BBS9: variants seen among roughly 807,000 people sequenced by gnomAD.
BBS9 encodes the protein Bardet-Biedl syndrome 9.
In BBS9, 89 loss-of-function variants were observed where a neutral mutation model predicts 117.7. That is an observed-to-expected ratio of 0.76 (90% confidence interval 0.64 to 0.90). The LOEUF is 0.90. Ranked by LOEUF, BBS9 falls within the 40% of genes least tolerant of loss-of-function variation. The probability of loss-of-function intolerance (pLI) is 0.00; values close to 1 mark genes in which losing one functional copy is unlikely to be tolerated. For missense variants in BBS9, 982 were observed against 1,042.2 expected, an observed-to-expected ratio of 0.94 and a Z score of 0.80; for synonymous variants, 379 against 370.9, an observed-to-expected ratio of 1.02 and a Z score of -0.25.
At chr7:33,155,725 T>C in intron 4 of BBS9, 23 bp downstream of exon 4, 1 of 1,305,450 alleles carries the variant, frequency 7.7e-7, no homozygotes, top group Non-Finnish European at 1.1e-6. Flanking sequence ...TTTACCAATG[T>C]AGAATTTATA....
intron 19 of BBS9, among the ~76,000 whole-genome samples, chr7:33,491,585 C>T (rs1220091048): frequency 6.6e-6 from 1 of 151,926 alleles, no homozygotes; most frequent in East Asian, 1.9e-4. Flanking sequence ...TGTGTTAGGC[C>T]CTATGCTCTA....
exon 22 of BBS9, among the ~76,000 whole-genome samples, chr7:33,635,450 GGGCCCTGGAACCAGCCCCCCAA>G (rs1866098351): frequency 6.6e-6 from 1 of 152,206 alleles, no homozygotes; most frequent in Admixed American, 6.5e-5. Flanking sequence ...TGCCAGGCCT[GGGCCCTGGAACCAGCCCCCCAA>G]GGCCCTGGAA....
chr7:33,206,080 T>C (rs899515506), intron 5 of BBS9, among the ~76,000 whole-genome samples: 3 of 152,150 alleles, frequency 2.0e-5, no homozygotes, highest in Non-Finnish European at 4.4e-5. Context: ...TGTTGTTTCA[T>C]TTTTTTCCCC....
At chr7:33,354,622 A>G (rs1819299462) in intron 15 of BBS9, among the ~76,000 whole-genome samples, 1 of 152,160 alleles carries the variant, frequency 6.6e-6, no homozygotes, top group South Asian at 2.1e-4. Flanking sequence ...TATAATATAT[A>G]GGTATGGTTA....
intron 19 of BBS9, among the ~76,000 whole-genome samples, chr7:33,448,381 G>A (rs1837301505): frequency 6.6e-6 from 1 of 152,134 alleles, no homozygotes; most frequent in Non-Finnish European, 1.5e-5. Context: ...TGCCTTGGCA[G>A]TTTTCCACTT....
intron 9 of BBS9, among the ~76,000 whole-genome samples, chr7:33,307,743 C>A (rs1808324235): frequency 6.7e-6 from 1 of 148,648 alleles, no homozygotes; most frequent in South Asian, 2.1e-4. Flanking sequence ...AGAAAAAAGT[C>A]TTTGCGTGTT....
At chr7:33,234,068 C>T (rs1792999661) in intron 5 of BBS9, among the ~76,000 whole-genome samples, 2 of 152,166 alleles carry the variant, frequency 1.3e-5, no homozygotes, top group South Asian at 4.1e-4. Flanking sequence ...TCCTGTTTGT[C>T]ACTTAGTAGC....
At chr7:33,438,004 C>T (rs1323416315) in intron 19 of BBS9, among the ~76,000 whole-genome samples, 1 of 152,192 alleles carries the variant, frequency 6.6e-6, no homozygotes, top group African/African-American at 2.4e-5. Context: ...CACATAGGCT[C>T]TCTTTCGTAA....
chr7:33,155,060 A>C (rs1461568605), intron 3 of BBS9, among the ~76,000 whole-genome samples: 1 of 152,200 alleles, frequency 6.6e-6, no homozygotes, highest in Admixed American at 6.5e-5. Context: ...TAGGCTGGGA[A>C]TTGTTGTGGT....
chr7:33,603,144 C>T (rs1283735394), intron 21 of BBS9, among the ~76,000 whole-genome samples: 4 of 152,146 alleles, frequency 2.6e-5, no homozygotes, highest in Admixed American at 2.6e-4. Flanking sequence ...GACGTCTCTT[C>T]CTTGCTCCTG....
intron 19 of BBS9, among the ~76,000 whole-genome samples, chr7:33,498,774 T>G (rs1845071408): frequency 6.6e-6 from 1 of 152,240 alleles, no homozygotes; most frequent in South Asian, 2.1e-4. Flanking sequence ...GATGGACATT[T>G]GAGTTGTTTC....
chr7:33,319,308 G>A (rs1196088533), intron 9 of BBS9, among the ~76,000 whole-genome samples: 5 of 152,108 alleles, frequency 3.3e-5, no homozygotes, highest in Middle Eastern at 3.2e-3. Context: ...ATGGGCATTT[G>A]GGCTGGTTCC....
intron 19 of BBS9, chr7:33,390,102 T>G (rs182942247): frequency 4.4e-4 from 119 of 273,304 alleles, no homozygotes; most frequent in Non-Finnish European, 4.6e-4. Flanking sequence ...TCCTTCCTTC[T>G]TTTCCTTTTC....
At chr7:33,481,488 G>A (rs1337568079) in intron 19 of BBS9, among the ~76,000 whole-genome samples, 2 of 151,806 alleles carry the variant, frequency 1.3e-5, no homozygotes, top group Non-Finnish European at 2.9e-5. Context: ...TATGTAATAT[G>A]ATATTATATA....
At chr7:33,396,213 G>T (rs1032373226) in intron 19 of BBS9, among the ~76,000 whole-genome samples, 1 of 152,050 alleles carries the variant, frequency 6.6e-6, no homozygotes, top group Non-Finnish European at 1.5e-5. Context: ...ATTCATCAAG[G>T]TATTCATTTA....
At chr7:33,533,696 C>A in intron 20 of BBS9, 2 of 521,938 alleles carry the variant, frequency 3.8e-6, no homozygotes, top group Non-Finnish European at 6.9e-6. Flanking sequence ...AGATCTCCAA[C>A]CCTTGGAGGG....
rs186787920 is a variant in BBS9, at chr7:33,458,381, T to C, written c.2116-47082T>C. Among the ~76,000 whole-genome samples the C allele has an allele frequency of 2.4e-4, 36 of 152,298 alleles. No individual in the cohort carries two copies. The East Asian group carries it at 4.2e-3, about 18-fold the overall frequency. On this transcript the variant is annotated intron_variant, in intron 19 of 22. Coordinates refer to ENST00000242067, the MANE Select transcript of BBS9 (RefSeq NM_198428.3). The stretch of plus-strand genomic sequence containing the variant: ...TGTTTGTTCATTTGTTCCATAGATT[T>C]CTTCTTTGAGAGTATATGGTATCAG...
At chr7:33,382,869 G>A (rs1277736623) in intron 17 of BBS9, among the ~76,000 whole-genome samples, 1 of 152,168 alleles carries the variant, frequency 6.6e-6, no homozygotes, top group Non-Finnish European at 1.5e-5. Flanking sequence ...TCTAGCACTG[G>A]CATTTAATTG....
intron 21 of BBS9, among the ~76,000 whole-genome samples, chr7:33,545,766 A>T (rs1341981977): frequency 6.6e-6 from 1 of 152,156 alleles, no homozygotes; most frequent in Non-Finnish European, 1.5e-5. Context: ...AAATAGATAT[A>T]AATCCAACTA....
Sources: gnomAD v4.1 joint callset for allele counts (sites outside exome capture counted in the v4.1 genomes callset) on GRCh38, gnomAD v4.1.1 for gene constraint, MANE v1.5 for transcripts, NCBI Gene and HGNC (gene_info 2026-07-23, HGNC 2026-07-21) for gene names.